Variants in RGL1 observed in about 807,000 individuals in gnomAD.
The protein encoded by RGL1 is ral guanine nucleotide dissociation stimulator-like 1.
Under a neutral mutation model 95.2 loss-of-function variants are expected in RGL1, and 24 were observed. That is an observed-to-expected ratio of 0.25 (90% confidence interval 0.18 to 0.35). RGL1 has a LOEUF of 0.35. Among genes scored for constraint, RGL1 ranks in the 10% least tolerant of loss-of-function variants. The pLI, the probability that RGL1 is intolerant of heterozygous loss-of-function variation, is 1.00. For synonymous variants in RGL1, 329 were observed against 344.9 expected (o/e 0.95, Z 0.51); for missense variants, 715 against 936.3 (o/e 0.76, Z 3.08).
intron 3 of RGL1, among the ~76,000 whole-genome samples, chr1:183,861,216 T>C (rs1415182095): frequency 6.6e-6 from 1 of 152,114 alleles, no homozygotes; most frequent in Non-Finnish European, 1.5e-5. Flanking sequence ...TATTGGATCA[T>C]TTGCCAGAAT....
chr1:183,878,464 C>T (rs913558660), intron 4 of RGL1, among the ~76,000 whole-genome samples: 1 of 152,080 alleles, frequency 6.6e-6, no homozygotes, highest in Non-Finnish European at 1.5e-5. Flanking sequence ...TCCCAAAGTG[C>T]TGGGATTACA....
At chr1:183,904,806 A>G (rs780617393) in intron 12 of RGL1, 44 bp from the exon 13 acceptor site, 4 of 1,565,688 alleles carry the variant, frequency 2.6e-6, no homozygotes. Flanking sequence ...TGGCCTTATT[A>G]TTCAGTCTTT....
chr1:183,891,486 A>AAGTG (rs1327787337), intron 8 of RGL1, among the ~76,000 whole-genome samples: 1 of 152,170 alleles, frequency 6.6e-6, no homozygotes, highest in East Asian at 1.9e-4. Context: ...ATCATTCAGA[A>AAGTG]AGTGAGTGGA....
rs1190807216 is a variant in RGL1, at chr1:183,722,520, AC to A, written c.-32-19604del. Among the ~76,000 whole-genome samples, 7 of 152,204 alleles carry A rather than the reference AC, an allele frequency of 4.6e-5. No individual in the cohort carries two copies. The East Asian group carries it at 1.3e-3, about 29-fold the overall frequency. ...GCAAGATACCTACTAGGGAAACCACACCAAGAACTTCATTATCAAATTACAG... is the reference window on the plus strand; with the variant it reads ...GCAAGATACCTACTAGGGAAACCACACAAGAACTTCATTATCAAATTACAG... On this transcript the variant is annotated intron_variant, in intron 1 of 18. Transcript: ENST00000304685.
chr1:183,772,277 A>G (rs539084075), intron 2 of RGL1, among the ~76,000 whole-genome samples: 1 of 152,258 alleles, frequency 6.6e-6, no homozygotes, highest in Non-Finnish European at 1.5e-5. Context: ...CTTGTAACAC[A>G]CGCCCACTGG....
At chr1:183,667,903 C>T (rs12037290) in intron 1 of RGL1, among the ~76,000 whole-genome samples, 10,462 of 152,024 alleles carry the variant, frequency 0.069, 626 homozygotes, top group African/African-American at 0.16. Flanking sequence ...TAACACTATA[C>T]GGCTTCAGGT....
intron 1 of RGL1, among the ~76,000 whole-genome samples, chr1:183,736,343 T>C (rs1027593517): frequency 4.6e-5 from 7 of 152,330 alleles, no homozygotes; most frequent in African/African-American, 1.7e-4. Context: ...TGCTTTACTT[T>C]TGTAACTGTA....
intron 2 of RGL1, among the ~76,000 whole-genome samples, chr1:183,835,380 C>G (rs1663574722): frequency 6.7e-6 from 1 of 150,246 alleles, no homozygotes; most frequent in African/African-American, 2.5e-5. Context: ...ATCTCTAAAC[C>G]TAGCAGGTAG....
chr1:183,836,113 T>A (rs1055966877), intron 2 of RGL1, among the ~76,000 whole-genome samples: 1 of 152,368 alleles, frequency 6.6e-6, no homozygotes, highest in South Asian at 2.1e-4. Context: ...GTTGAGCATC[T>A]AATCCATAAT....
chr1:183,739,029 C>T (rs1657123548), intron 1 of RGL1, among the ~76,000 whole-genome samples: 1 of 152,082 alleles, frequency 6.6e-6, no homozygotes, highest in African/African-American at 2.4e-5. Flanking sequence ...AATAGAAGTC[C>T]CCTTGTTCAA....
chr1:183,672,123 G>C (rs1265390165), intron 1 of RGL1, among the ~76,000 whole-genome samples: 1 of 151,864 alleles, frequency 6.6e-6, no homozygotes, highest in Non-Finnish European at 1.5e-5. Flanking sequence ...AGTAGAGATG[G>C]GGTTTCGCCA....
At chr1:183,774,949 C>A (rs752672033) in intron 2 of RGL1, among the ~76,000 whole-genome samples, 30 of 152,140 alleles carry the variant, frequency 2.0e-4, no homozygotes, top group Non-Finnish European at 3.7e-4. Context: ...TGAAACTCAC[C>A]AGATCACAGC....
At chr1:183,819,285 C>G (rs1277743620) in intron 2 of RGL1, among the ~76,000 whole-genome samples, 3 of 152,102 alleles carry the variant, frequency 2.0e-5, no homozygotes, top group African/African-American at 7.2e-5. Context: ...AATGATGAGG[C>G]CTGTTACTCT....
chr1:183,791,868 C>T (rs1411486873), intron 2 of RGL1, among the ~76,000 whole-genome samples: 2 of 152,140 alleles, frequency 1.3e-5, no homozygotes, highest in Admixed American at 6.5e-5. Context: ...GTTTTTCCTT[C>T]TTCAATGATG....
At chr1:183,732,859 C>T (rs908118393) in intron 1 of RGL1, among the ~76,000 whole-genome samples, 5 of 152,166 alleles carry the variant, frequency 3.3e-5, no homozygotes, top group Non-Finnish European at 7.4e-5. Flanking sequence ...ACTCTGACTC[C>T]GTTGCTATGC....
intron 1 of RGL1, among the ~76,000 whole-genome samples, chr1:183,650,079 C>T (rs1201851560): frequency 6.6e-6 from 1 of 152,044 alleles, no homozygotes; most frequent in Non-Finnish European, 1.5e-5. Context: ...TCCCAAAGTG[C>T]TGGGATTACA....
intron 1 of RGL1, among the ~76,000 whole-genome samples, chr1:183,735,054 C>A (rs1422163628): frequency 6.8e-6 from 1 of 147,688 alleles, no homozygotes; most frequent in Non-Finnish European, 1.5e-5. Flanking sequence ...AGTACAAACC[C>A]ACTCTGGATT....
At chr1:183,906,026 G>A (rs4650645) in intron 13 of RGL1, among the ~76,000 whole-genome samples, 5,895 of 152,148 alleles carry the variant, frequency 0.039, 218 homozygotes, top group Admixed American at 0.11. Flanking sequence ...TACAGAAGAA[G>A]TTGGCCCATC....
intron 5 of RGL1, 121 bp from the exon 6 acceptor site, chr1:183,883,665 C>G: frequency 9.6e-7 from 1 of 1,041,714 alleles, no homozygotes; most frequent in South Asian, 1.5e-5. Context: ...TGGTTGTCTC[C>G]CTGTGGCTGT....
Sources: gnomAD v4.1 joint callset for allele counts (sites outside exome capture counted in the v4.1 genomes callset) on GRCh38, gnomAD v4.1.1 for gene constraint, MANE v1.5 for transcripts, NCBI Gene and HGNC (gene_info 2026-07-23, HGNC 2026-07-21) for gene names.